Variants in NPAS3 observed in about 807,000 individuals in gnomAD.
NPAS3 encodes neuronal PAS domain protein 3.
In NPAS3, 14 loss-of-function variants were observed where a neutral mutation model predicts 73.1. The ratio of observed to expected loss-of-function variants is 0.19; its 90% CI spans 0.13 to 0.30. NPAS3 has a LOEUF of 0.30. Among genes scored for constraint, NPAS3 ranks in the 10% least tolerant of loss-of-function variants. The pLI is 1.00. For synonymous variants in NPAS3, 620 were observed against 541.5 expected (o/e 1.14, Z -2.01); for missense variants, 1,096 against 1,250.0 (o/e 0.88, Z 1.86).
chr14:33,025,035 G>C (rs1190683277), intron 1 of NPAS3, among the ~76,000 whole-genome samples: 1 of 152,114 alleles, frequency 6.6e-6, no homozygotes, highest in African/African-American at 2.4e-5. Flanking sequence ...CTTGAAATGA[G>C]CCTCCAAGTC....
intron 7 of NPAS3, among the ~76,000 whole-genome samples, chr14:33,738,764 C>T (rs1017493605): frequency 6.6e-6 from 1 of 152,182 alleles, no homozygotes; most frequent in East Asian, 1.9e-4. Flanking sequence ...CAGGGGCTTC[C>T]CTGTTGTTTA....
At chr14:32,951,299 C>T (rs1038844150) in intron 1 of NPAS3, among the ~76,000 whole-genome samples, 1 of 151,976 alleles carries the variant, frequency 6.6e-6, no homozygotes, top group African/African-American at 2.4e-5. Flanking sequence ...TTATAAATGG[C>T]AGATTGTTTT....
At chr14:33,018,224 C>T (rs74041762) in intron 1 of NPAS3, among the ~76,000 whole-genome samples, 7,390 of 152,206 alleles carry the variant, frequency 0.049, 397 homozygotes, top group East Asian at 0.13. Flanking sequence ...GAAGGAAGCA[C>T]GAATGCTGTC....
At chr14:33,273,806 G>A (rs553691730) in intron 3 of NPAS3, among the ~76,000 whole-genome samples, 32 of 152,150 alleles carry the variant, frequency 2.1e-4, no homozygotes, top group Non-Finnish European at 3.8e-4. Context: ...ACCGGAATAA[G>A]TGCATGGCAT....
intron 2 of NPAS3, among the ~76,000 whole-genome samples, chr14:33,135,247 G>A (rs1387896932): frequency 2.0e-5 from 3 of 152,150 alleles, no homozygotes; most frequent in African/African-American, 4.8e-5. Context: ...GAACTTACTC[G>A]TAAATTCGGA....
chr14:33,240,908 ACAC>A, intron 3 of NPAS3, among the ~76,000 whole-genome samples: 2 of 151,832 alleles, frequency 1.3e-5, no homozygotes, highest in East Asian at 3.9e-4. Flanking sequence ...AATAATTACA[ACAC>A]TTCCCAATTA....
chr14:33,247,220 A>T (rs371234886), intron 3 of NPAS3, among the ~76,000 whole-genome samples: 2 of 152,244 alleles, frequency 1.3e-5, no homozygotes, highest in East Asian at 3.9e-4. Flanking sequence ...TTAATGTGAT[A>T]TTATCTTTTG....
intron 1 of NPAS3, among the ~76,000 whole-genome samples, chr14:33,038,438 A>C (rs2040241017): frequency 6.6e-6 from 1 of 152,188 alleles, no homozygotes; most frequent in Admixed American, 6.5e-5. Flanking sequence ...AAACAAAAAA[A>C]CAAATATTTC....
intron 5 of NPAS3, among the ~76,000 whole-genome samples, chr14:33,636,704 G>C (rs1266410178): frequency 1.3e-5 from 2 of 152,162 alleles, no homozygotes; most frequent in Non-Finnish European, 2.9e-5. Flanking sequence ...ACACCAGTCA[G>C]ACTGCCCTTC....
intron 3 of NPAS3, among the ~76,000 whole-genome samples, chr14:33,253,039 G>A (rs1001657866): frequency 6.6e-6 from 1 of 152,076 alleles, no homozygotes; most frequent in African/African-American, 2.4e-5. Context: ...GGACAGTTAG[G>A]TTCGTTCCAT....
At chr14:33,370,000 CTCTT>C (rs2046016049) in intron 4 of NPAS3, among the ~76,000 whole-genome samples, 1 of 152,178 alleles carries the variant, frequency 6.6e-6, no homozygotes, top group African/African-American at 2.4e-5. Flanking sequence ...CTCCTTCCTA[CTCTT>C]TCTTCATTTG....
chr14:33,424,034 A>G (rs1034990446), intron 4 of NPAS3, among the ~76,000 whole-genome samples: 2 of 152,036 alleles, frequency 1.3e-5, no homozygotes, highest in African/African-American at 2.4e-5. Context: ...AGGTGACAAA[A>G]CACTCATTAA....
chr14:33,428,149 A>G (rs1424160549), intron 4 of NPAS3, among the ~76,000 whole-genome samples: 5 of 152,080 alleles, frequency 3.3e-5, no homozygotes, highest in African/African-American at 1.2e-4. Flanking sequence ...GCTGTAAGAC[A>G]CCAGAGAACT....
At chr14:33,279,036 T>G (rs958362658) in intron 3 of NPAS3, among the ~76,000 whole-genome samples, 1 of 152,138 alleles carries the variant, frequency 6.6e-6, no homozygotes, top group African/African-American at 2.4e-5. Context: ...AAAGTACCAG[T>G]GGTTCTCAAA....
intron 3 of NPAS3, among the ~76,000 whole-genome samples, chr14:33,365,899 T>C (rs1261097684): frequency 6.6e-6 from 1 of 152,196 alleles, no homozygotes; most frequent in East Asian, 1.9e-4. Context: ...GGAATTTTCT[T>C]GTCAACTAGC....
intron 4 of NPAS3, among the ~76,000 whole-genome samples, chr14:33,416,833 G>A (rs2048168130): frequency 6.6e-6 from 1 of 151,710 alleles, no homozygotes; most frequent in South Asian, 2.1e-4. Context: ...GTGTCTACTT[G>A]CATATTTCTT....
At chr14:33,269,353 G>A (rs768092817) in intron 3 of NPAS3, among the ~76,000 whole-genome samples, 17 of 152,090 alleles carry the variant, frequency 1.1e-4, no homozygotes, top group Non-Finnish European at 1.6e-4. Flanking sequence ...AGATAAAGAT[G>A]GATCTATGTA....
chr14:33,727,798 G>A (rs1056347365), intron 6 of NPAS3, among the ~76,000 whole-genome samples: 4 of 152,080 alleles, frequency 2.6e-5, no homozygotes, highest in East Asian at 3.9e-4. Flanking sequence ...ACGCAGCATC[G>A]CAGGAGGACA....
chr14:33,043,885 T>G (rs12587254), intron 1 of NPAS3, among the ~76,000 whole-genome samples: 26,212 of 152,094 alleles, frequency 0.17, 2,617 homozygotes, highest in East Asian at 0.3. Context: ...TGAAAATATT[T>G]GCATATCCAA....
Sources: gnomAD v4.1 joint callset for allele counts (sites outside exome capture counted in the v4.1 genomes callset) on GRCh38, gnomAD v4.1.1 for gene constraint, MANE v1.5 for transcripts, NCBI Gene and HGNC (gene_info 2026-07-23, HGNC 2026-07-21) for gene names.